GABRR2: variants seen among roughly 807,000 people sequenced by gnomAD.
The protein encoded by GABRR2 is gamma-aminobutyric acid receptor subunit rho-2.
Under a neutral mutation model 47.0 loss-of-function variants are expected in GABRR2, and 36 were observed. That is an observed-to-expected ratio of 0.77 (90% CI 0.59 to 1.01). The LOEUF (loss-of-function observed/expected upper bound fraction) is 1.01, where lower values mean the gene tolerates loss of function less well. GABRR2 is among the 50% of genes least tolerant of loss of function. The pLI is 0.00. For missense variants in GABRR2, 587 were observed against 594.6 expected, an observed-to-expected ratio of 0.99 and a Z score of 0.13; for synonymous variants, 204 against 227.5, an observed-to-expected ratio of 0.90 and a Z score of 0.93.
intron 2 of GABRR2, among the ~76,000 whole-genome samples, chr6:89,293,575 C>T (rs1469300303): frequency 6.6e-6 from 1 of 152,084 alleles, no homozygotes; most frequent in Admixed American, 6.5e-5. Flanking sequence ...TCACTTGAAC[C>T]CAGAAGTTCG....
chr6:89,300,182 GA>G (rs1213367312), intron 1 of GABRR2, among the ~76,000 whole-genome samples: 2 of 152,274 alleles, frequency 1.3e-5, no homozygotes, highest in East Asian at 3.9e-4. Context: ...TAATAAAGAA[GA>G]AAAGGGAGAA....
At chr6:89,296,981 G>A (rs1002424562) in intron 2 of GABRR2, among the ~76,000 whole-genome samples, 70 of 152,332 alleles carry the variant, frequency 4.6e-4, no homozygotes, top group African/African-American at 1.7e-3. Flanking sequence ...GTACTGACCA[G>A]GTGATGGCCC....
At chr6:89,280,253 T>TATATATATATATATATAC (rs1242640059) in intron 2 of GABRR2, among the ~76,000 whole-genome samples, 1 of 124,782 alleles carries the variant, frequency 8.0e-6, no homozygotes, top group African/African-American at 3.2e-5. Flanking sequence ...TATATATATA[T>TATATATATATATATATAC]ACATACATAT....
chr6:89,288,602 G>A (rs558548938), intron 2 of GABRR2, among the ~76,000 whole-genome samples: 1 of 152,234 alleles, frequency 6.6e-6, no homozygotes, highest in East Asian at 1.9e-4. Context: ...GTCTTAGGGT[G>A]GCTTATTATG....
At chr6:89,289,435 T>C (rs1349238161) in intron 2 of GABRR2, among the ~76,000 whole-genome samples, 1 of 152,172 alleles carries the variant, frequency 6.6e-6, no homozygotes, top group Non-Finnish European at 1.5e-5. Context: ...TGTTGGGGGA[T>C]GGCAATATTC....
intron 3 of GABRR2, chr6:89,269,463 G>C (rs1258234032): frequency 3.7e-6 from 2 of 544,692 alleles, no homozygotes; most frequent in East Asian, 3.2e-5. Flanking sequence ...AGCCCCTCAG[G>C]CTTTGCAAAT....
At chr6:89,274,282 G>C (rs1774115529) in intron 2 of GABRR2, among the ~76,000 whole-genome samples, 1 of 152,154 alleles carries the variant, frequency 6.6e-6, no homozygotes, top group South Asian at 2.1e-4. Context: ...GCCACATTCA[G>C]GGAAACTCGC....
intron 1 of GABRR2, among the ~76,000 whole-genome samples, chr6:89,307,151 T>G (rs1459614168): frequency 6.6e-6 from 1 of 152,222 alleles, no homozygotes; most frequent in African/African-American, 2.4e-5. Flanking sequence ...GTAACCCAGA[T>G]GCTTCTCAGC....
At chr6:89,271,454 C>T (rs1031097836) in intron 3 of GABRR2, among the ~76,000 whole-genome samples, 1 of 152,160 alleles carries the variant, frequency 6.6e-6, no homozygotes, top group African/African-American at 2.4e-5. Flanking sequence ...GGCCCAGAAA[C>T]CCACATTTAA....
rs921353022 is a variant in GABRR2, at chr6:89,255,745, C to T, written c.*1925G>A. ...GGCAAACCTTCCCATTCTCCCCATG[C>T]GTCCGCTCAAGCTGGTCTCTTGGCT... On this transcript the variant is annotated 3_prime_UTR_variant, in exon 9 of 9. Coordinates refer to ENST00000402938, the MANE Select transcript of GABRR2 (RefSeq NM_002043.5). Among the ~76,000 whole-genome samples, 6 of 152,130 alleles carry T rather than the reference C, an allele frequency of 3.9e-5. No homozygotes were observed. Among genetic ancestry groups the T allele is most frequent in the Non-Finnish European group, 7.3e-5 (5 of 68,032 alleles).
chr6:89,309,269 C>T lies in GABRR2; in HGVS notation c.113+5784G>A, dbSNP rs541698456. ...CATTGTCCTGCCCTATTTGCACATC[C>T]TCCAGACGTGTAGGTGGTGAGGTAA... On this transcript the variant is annotated intron_variant, in intron 1 of 8. Transcript: ENST00000402938. Among the ~76,000 whole-genome samples the T allele has an allele frequency of 5.3e-5, 8 of 152,272 alleles. 1 individual carries two copies. The highest frequency in any genetic ancestry group is 5.2e-4 in the Admixed American group (8 of 15,300).
chr6:89,281,411 G>A (rs1277516763), intron 2 of GABRR2, among the ~76,000 whole-genome samples: 1 of 152,218 alleles, frequency 6.6e-6, no homozygotes, highest in Admixed American at 6.5e-5. Context: ...ACTGGAGAAA[G>A]CATCACCAAC....
Position 89,304,034 on chromosome 6 carries a change from C to T in GABRR2, c.114-4169G>A, listed in dbSNP as rs117120744. 3.2e-3 allele frequency among the ~76,000 whole-genome samples: 485 copies of T among 152,238 alleles called. 3 individuals are homozygous for T. Among genetic ancestry groups the T allele is most frequent in the Non-Finnish European group, 4.4e-3 (300 of 68,014 alleles). Reference sequence around the variant, plus strand: ...ACACCCTAGGCAATACCATTCCAGACACAGGAAGTGGGAAAGATTTCATGA... The same window carrying T: ...ACACCCTAGGCAATACCATTCCAGATACAGGAAGTGGGAAAGATTTCATGA... On this transcript the variant is annotated intron_variant, in intron 1 of 8. Transcript: ENST00000402938.
intron 2 of GABRR2, among the ~76,000 whole-genome samples, chr6:89,295,369 A>G (rs566279152): frequency 7.5e-4 from 114 of 152,166 alleles, no homozygotes; most frequent in Admixed American, 6.7e-3. Context: ...TGTGGTTTTG[A>G]TTTGCATTTC....
chr6:89,276,396 A>G (rs942571479), intron 2 of GABRR2, among the ~76,000 whole-genome samples: 2 of 152,108 alleles, frequency 1.3e-5, no homozygotes, highest in Non-Finnish European at 2.9e-5. Context: ...ATAAATTTCC[A>G]CATTAACAGA....
intron 2 of GABRR2, among the ~76,000 whole-genome samples, chr6:89,282,825 TC>T (rs1190046452): frequency 2.6e-5 from 4 of 152,146 alleles, no homozygotes; most frequent in African/African-American, 9.7e-5. Context: ...CTCACCAGTC[TC>T]CCCCTTCCAG....
intron 2 of GABRR2, among the ~76,000 whole-genome samples, chr6:89,290,851 C>T (rs1368754090): frequency 6.6e-6 from 1 of 152,174 alleles, no homozygotes; most frequent in African/African-American, 2.4e-5. Context: ...TTTCCAAGAG[C>T]TACAGCTCTT....
intron 1 of GABRR2, chr6:89,302,991 G>A: frequency 1.5e-6 from 2 of 1,296,916 alleles, no homozygotes; most frequent in Non-Finnish European, 2.1e-6. Context: ...AGATCACCGA[G>A]GCCAAGAGCA....
At chr6:89,258,033 G>A (rs968220718) in intron 8 of GABRR2, 52 bp from the exon 9 acceptor site, 2 of 1,539,726 alleles carry the variant, frequency 1.3e-6, no homozygotes, top group East Asian at 2.3e-5. Flanking sequence ...GGTGGGCAGA[G>A]GAGGGGGCCT....
Sources: gnomAD v4.1 joint callset for allele counts (sites outside exome capture counted in the v4.1 genomes callset) on GRCh38, gnomAD v4.1.1 for gene constraint, MANE v1.5 for transcripts, NCBI Gene and HGNC (gene_info 2026-07-23, HGNC 2026-07-21) for gene names.